Variants in APBB2 observed in about 807,000 individuals in gnomAD.
APBB2 encodes the protein amyloid beta precursor protein binding family B member 2, also known as Fe65-like 1.
APBB2 carries 38 observed loss-of-function variants against 82.5 expected under a neutral mutation model. The observed-to-expected ratio is 0.46, with a 90% CI of 0.36 to 0.60. APBB2 has a LOEUF of 0.60. APBB2 is among the 20% of genes least tolerant of loss of function. The probability of loss-of-function intolerance (pLI) is 0.00; values close to 1 mark genes in which losing one functional copy is unlikely to be tolerated. For missense variants in APBB2, 772 were observed against 972.3 expected (o/e 0.79, Z 2.74); for synonymous variants, 341 against 368.2 (o/e 0.93, Z 0.85).
At chr4:40,846,637 A>G (rs1309423567) in intron 12 of APBB2, among the ~76,000 whole-genome samples, 1 of 152,052 alleles carries the variant, frequency 6.6e-6, no homozygotes, top group Non-Finnish European at 1.5e-5. Context: ...CTCCCCTCCC[A>G]CCTCACTGTC....
chr4:41,041,368 T>C (rs184499264), intron 4 of APBB2, among the ~76,000 whole-genome samples: 2 of 152,364 alleles, frequency 1.3e-5, no homozygotes, highest in East Asian at 3.9e-4. Context: ...GAGTATTTAA[T>C]AAGTATATGG....
intron 5 of APBB2, among the ~76,000 whole-genome samples, chr4:41,017,058 G>C (rs953564739): frequency 6.6e-6 from 1 of 151,834 alleles, no homozygotes; most frequent in Non-Finnish European, 1.5e-5. Context: ...ACCACACCTG[G>C]CTAATTTTTT....
rs1042391457 is a variant in APBB2, at chr4:41,207,281, C to T, written c.-417+7124G>A. Among the ~76,000 whole-genome samples the T allele has an allele frequency of 2.0e-5, 3 of 149,628 alleles. No individual in the cohort carries two copies. In the South Asian group the frequency reaches 6.4e-4, roughly 32 times the overall value. On this transcript the variant is annotated intron_variant, in intron 1 of 17. Coordinates refer to ENST00000508593, the MANE Select transcript of APBB2 (RefSeq NM_004307.2). ...TCCTTCTTCACCCCACAATAGCAAC[C>T]AAAACTAAAGGTGAATAACAGCAAT...
At chr4:41,035,515 T>C (rs1221077291) in intron 4 of APBB2, among the ~76,000 whole-genome samples, 1 of 152,210 alleles carries the variant, frequency 6.6e-6, no homozygotes, top group Non-Finnish European at 1.5e-5. Flanking sequence ...TCTTACATTT[T>C]AGTTTTTGTC....
At chr4:40,890,203 T>G in intron 12 of APBB2, 161 bp downstream of exon 12, 1 of 954,960 alleles carries the variant, frequency 1.0e-6, no homozygotes, top group Non-Finnish European at 1.5e-6. Flanking sequence ...TTGAAGTCTT[T>G]AAGAGGCAGG....
intron 2 of APBB2, among the ~76,000 whole-genome samples, chr4:41,125,365 C>T (rs1376352747): frequency 6.6e-6 from 1 of 152,182 alleles, no homozygotes; most frequent in Non-Finnish European, 1.5e-5. Context: ...TCAAACACAT[C>T]TATGTGGCCC....
chr4:41,121,911 ATG>A (rs1301238343), intron 2 of APBB2, among the ~76,000 whole-genome samples: 2 of 150,592 alleles, frequency 1.3e-5, no homozygotes, highest in African/African-American at 4.9e-5. Context: ...GTGTGTGTGT[ATG>A]TGTGTATGTG....
intron 10 of APBB2, among the ~76,000 whole-genome samples, chr4:40,900,765 T>TC (rs1336314158): frequency 1.1e-4 from 17 of 151,792 alleles, no homozygotes; most frequent in African/African-American, 3.9e-4. Flanking sequence ...GCTTTTTTTT[T>TC]TTTTTTTTTA....
chr4:41,100,857 G>C (rs972314411), intron 2 of APBB2, 107 bp from the exon 3 acceptor site: 6 of 152,156 alleles, frequency 3.9e-5, no homozygotes, highest in African/African-American at 1.4e-4. Context: ...ACAAAATAAC[G>C]ATGTCATTGG....
At position 40,896,352 on chromosome 4, in the gene APBB2, C is replaced by T. The variant is rs542354780; in HGVS notation, c.1255-2941G>A. On this transcript the variant is annotated intron_variant, in intron 10 of 17. Transcript: ENST00000508593. Reference sequence around the variant, plus strand: ...TGCTGGGATTACAGGCGTAAGCCACCGCACCCAGAACTCAATACAGTTCTG... The same window carrying T: ...TGCTGGGATTACAGGCGTAAGCCACTGCACCCAGAACTCAATACAGTTCTG... Among the ~76,000 whole-genome samples the T allele has an allele frequency of 5.3e-5, 8 of 152,302 alleles. No individual in the cohort carries two copies. The South Asian group carries it at 8.3e-4, about 16-fold the overall frequency.
chr4:40,871,138 C>T (rs1197852771), intron 12 of APBB2, among the ~76,000 whole-genome samples: 1 of 151,956 alleles, frequency 6.6e-6, no homozygotes, highest in Non-Finnish European at 1.5e-5. Flanking sequence ...ACCCTACTAC[C>T]CCGCACCCGT....
chr4:41,148,821 G>A (rs1761476472), intron 1 of APBB2, among the ~76,000 whole-genome samples: 3 of 152,134 alleles, frequency 2.0e-5, no homozygotes, highest in Admixed American at 2.0e-4. Flanking sequence ...CATTCTAGGT[G>A]ATGGAGACTG....
intron 3 of APBB2, among the ~76,000 whole-genome samples, chr4:41,099,637 A>T (rs1744682350): frequency 6.6e-6 from 1 of 152,210 alleles, no homozygotes; most frequent in Non-Finnish European, 1.5e-5. Context: ...GAGCTATAAA[A>T]TCCGATCTTA....
At chr4:41,018,358 T>G (rs1347820120) in intron 5 of APBB2, among the ~76,000 whole-genome samples, 1 of 152,040 alleles carries the variant, frequency 6.6e-6, no homozygotes, top group Non-Finnish European at 1.5e-5. Context: ...GGGTGACGGG[T>G]GGGCAGATGC....
chr4:40,817,795 A>G (rs200319629), intron 17 of APBB2, among the ~76,000 whole-genome samples: 2 of 152,176 alleles, frequency 1.3e-5, no homozygotes, highest in East Asian at 1.9e-4. Context: ...CATACCCCTT[A>G]GGCCACAAAA....
chr4:40,934,855 G>A, intron 8 of APBB2, 156 bp from the exon 9 acceptor site: 1 of 687,036 alleles, frequency 1.5e-6, no homozygotes, highest in Non-Finnish European at 2.5e-6. Context: ...ATGCTGACTG[G>A]TGCAAACTCC....
At chr4:40,910,160 G>T (rs1312172373) in intron 10 of APBB2, among the ~76,000 whole-genome samples, 1 of 150,094 alleles carries the variant, frequency 6.7e-6, no homozygotes, top group African/African-American at 2.5e-5. Flanking sequence ...TAGAGACAGG[G>T]TTTTACCATG....
intron 10 of APBB2, among the ~76,000 whole-genome samples, chr4:40,916,716 G>A (rs545928626): frequency 1.2e-4 from 19 of 152,296 alleles, no homozygotes; most frequent in African/African-American, 3.4e-4. Flanking sequence ...TTCTGAGAGC[G>A]AGCATGACTG....
chr4:40,878,422 C>T (rs1425826831), intron 12 of APBB2, among the ~76,000 whole-genome samples: 2 of 152,012 alleles, frequency 1.3e-5, no homozygotes, highest in East Asian at 1.9e-4. Context: ...ATGCACTGCC[C>T]GCAGAGAGAA....
Sources: allele counts gnomAD v4.1 joint callset (sites outside exome capture counted in the v4.1 genomes callset), GRCh38; gene constraint gnomAD v4.1.1; transcripts MANE v1.5; gene names NCBI Gene and HGNC (gene_info 2026-07-23, HGNC 2026-07-21).